Variants in GALNT2 observed in about 807,000 individuals in gnomAD.
GALNT2 encodes UDP-GalNAc:polypeptide N-acetylgalactosaminyltransferase 2.
Under a neutral mutation model 81.4 loss-of-function variants are expected in GALNT2, and 31 were observed. The observed-to-expected ratio is 0.38, with a 90% CI of 0.29 to 0.51. GALNT2 has a LOEUF of 0.51. Among genes scored for constraint, GALNT2 ranks in the 20% least tolerant of loss-of-function variants. The pLI, the probability that GALNT2 is intolerant of heterozygous loss-of-function variation, is 0.87. For synonymous variants in GALNT2, 303 were observed against 287.4 expected, an observed-to-expected ratio of 1.05 and a Z score of -0.55; for missense variants, 629 against 765.7, an observed-to-expected ratio of 0.82 and a Z score of 2.11.
intron 15 of GALNT2, among the ~76,000 whole-genome samples, chr1:230,277,238 T>C (rs1395744362): frequency 1.3e-5 from 2 of 152,202 alleles, no homozygotes; most frequent in Non-Finnish European, 2.9e-5. Context: ...AGAGTCTGAC[T>C]GCCTTGAAAA....
At chr1:230,262,804 C>A in intron 12 of GALNT2, 118 bp from the exon 13 acceptor site, 1 of 1,269,920 alleles carries the variant, frequency 7.9e-7, no homozygotes, top group Non-Finnish European at 1.1e-6. Context: ...GGAGCATGGG[C>A]AGTCCACACC....
In GALNT2 at chr1:230,191,068, T is replaced by TTCCA. The variant is rs545253927; in HGVS notation, c.221-12068_221-12065dup. 3.2e-3 allele frequency among the ~76,000 whole-genome samples: 494 copies of TTCCA among 152,308 alleles called. 2 individuals are homozygous for TTCCA. The highest frequency in any genetic ancestry group is 0.012 in the African/African-American group (480 of 41,560). On this transcript the variant is annotated intron_variant, in intron 2 of 15. Coordinates refer to ENST00000366672, the MANE Select transcript of GALNT2 (RefSeq NM_004481.5). The stretch of plus-strand genomic sequence containing the variant: ...AAAAATCTTCATTGTCCTTCTCCTG[T>TTCCA]TCCAACAAGCAAGAAAGTGGAGACC...
In GALNT2 at chr1:230,113,261, A is replaced by T. The variant is rs541282498; in HGVS notation, c.126+45855A>T. On this transcript the variant is annotated intron_variant, in intron 1 of 15. Coordinates refer to ENST00000366672, the MANE Select transcript of GALNT2 (RefSeq NM_004481.5). ...TGAAGGTCAGGCTTGGAGAGTGAGG[A>T]GCTGCTGAAAAAGGGTGAGTTTTGT... is the stretch of plus-strand genomic sequence containing the variant. Among the ~76,000 whole-genome samples, 92 of 152,040 alleles carry T rather than the reference A, an allele frequency of 6.1e-4. 1 individual carries two copies. The South Asian group carries it at 0.018, about 30-fold the overall frequency.
intron 1 of GALNT2, among the ~76,000 whole-genome samples, chr1:230,078,965 C>T (rs1364211527): frequency 6.6e-6 from 1 of 152,268 alleles, no homozygotes; most frequent in East Asian, 1.9e-4. Context: ...TGAGCCACTG[C>T]GTCCAGCCAG....
intron 2 of GALNT2, among the ~76,000 whole-genome samples, chr1:230,192,250 TTCCATCG>T (rs1572069298): frequency 6.6e-6 from 1 of 152,228 alleles, no homozygotes; most frequent in African/African-American, 2.4e-5. Context: ...TGAGTTGTGG[TTCCATCG>T]TCTTACAGCT....
chr1:230,163,409 C>T lies in GALNT2; in HGVS notation c.127-14809C>T, dbSNP rs78669247. ...CAGAGAGCATGGGATGAGGTCACTC[C>T]GGCGATCTCTCATGCTTTAGCGTTT... On this transcript the variant is annotated intron_variant, in intron 1 of 15. Transcript: ENST00000366672. 7.9e-5 allele frequency among the ~76,000 whole-genome samples: 12 copies of T among 152,312 alleles called. No homozygotes were observed. The East Asian group carries it at 2.1e-3, about 27-fold the overall frequency.
At chr1:230,265,667 C>T (rs1457866838) in intron 14 of GALNT2, among the ~76,000 whole-genome samples, 1 of 152,212 alleles carries the variant, frequency 6.6e-6, no homozygotes, top group African/African-American at 2.4e-5. Context: ...CAGCTCTGTC[C>T]TCTCGGCCAT....
rs1666391402 is a variant in GALNT2 at position 230,279,934 on chromosome 1, C to T, written c.*476C>T. On this transcript the variant is annotated 3_prime_UTR_variant, in exon 16 of 16. Coordinates refer to ENST00000366672, the MANE Select transcript of GALNT2 (RefSeq NM_004481.5). This position sits in a 1 kb window ranked among gnomAD's most constrained non-coding sequence, Gnocchi z 4.6. Reference sequence around the variant, plus strand: ...CACAAAGCCGAGTCGTGTCACGTGGCAGGTTTACGTCAATAGTCCCTCTCT... The same window carrying T: ...CACAAAGCCGAGTCGTGTCACGTGGTAGGTTTACGTCAATAGTCCCTCTCT... 1 of 456,512 alleles carries T rather than the reference C, an allele frequency of 2.2e-6. No homozygotes were observed. Among genetic ancestry groups the T allele is most frequent in the African/African-American group, 2.0e-5 (1 of 50,084 alleles). 28.3% of individuals were successfully genotyped at this position (456,512 alleles called of 1,614,324 possible).
intron 1 of GALNT2, among the ~76,000 whole-genome samples, chr1:230,139,636 T>C (rs1661665103): frequency 3.3e-5 from 5 of 152,166 alleles, no homozygotes; most frequent in Admixed American, 2.0e-4. Context: ...TGGCCACCAA[T>C]GGAAAGAGCA....
In GALNT2 at chr1:230,236,086, G is replaced by A. The variant is rs1331978314; in HGVS notation, c.447G>A (p.Arg149=). Residue 149 remains arginine, a synonymous_variant, in exon 4 of 16, where the codon AGG becomes AGA. Coordinates refer to ENST00000366672, the MANE Select transcript of GALNT2 (RefSeq NM_004481.5). ...TGATCACGTTTCACAATGAAGCCAG[G>A]TCGGCCCTACTCAGGACCGTGGTCA... ...SVVITFHNEA[R]SALLRTVVSV... is the part of the protein sequence containing the mutation. The A allele has an allele frequency of 2.5e-6, 4 of 1,613,958 alleles. No homozygotes were observed. The highest frequency in any genetic ancestry group is 3.3e-5 in the Admixed American group (2 of 60,004).
At chr1:230,122,588 G>A (rs1481450102) in intron 1 of GALNT2, among the ~76,000 whole-genome samples, 3 of 151,986 alleles carry the variant, frequency 2.0e-5, no homozygotes. Flanking sequence ...CAGTGGATCA[G>A]CGTGCAGGAA....
At chr1:230,201,847 G>A (rs1663903249) in intron 2 of GALNT2, among the ~76,000 whole-genome samples, 1 of 152,108 alleles carries the variant, frequency 6.6e-6, no homozygotes, top group African/African-American at 2.4e-5. Flanking sequence ...CCTTTGTTCA[G>A]TTATCTGCTC....
chr1:230,255,907 G>T lies in GALNT2; in HGVS notation c.1136+563G>T, dbSNP rs78155144. Among the ~76,000 whole-genome samples the T allele has an allele frequency of 5.0e-3, 756 of 152,302 alleles. 3 individuals carry two copies. Among genetic ancestry groups the T allele is most frequent in the Non-Finnish European group, 8.5e-3 (581 of 68,036 alleles). Reference sequence around the variant, plus strand: ...CGTCTCTAACCAAATACCACAGACTGGGTAATTTAAAATGAACAGAAATTT... The same window carrying T: ...CGTCTCTAACCAAATACCACAGACTTGGTAATTTAAAATGAACAGAAATTT... On this transcript the variant is annotated intron_variant, in intron 11 of 15. Coordinates refer to ENST00000366672, the MANE Select transcript of GALNT2 (RefSeq NM_004481.5).
chr1:230,188,606 A>G (rs1271728751), intron 2 of GALNT2, among the ~76,000 whole-genome samples: 1 of 152,128 alleles, frequency 6.6e-6, no homozygotes, highest in Non-Finnish European at 1.5e-5. Context: ...GGAATCACCA[A>G]TTTTATTTTC....
At chr1:230,150,977 G>A (rs768004057) in intron 1 of GALNT2, among the ~76,000 whole-genome samples, 1 of 152,232 alleles carries the variant, frequency 6.6e-6, no homozygotes, top group African/African-American at 2.4e-5. Context: ...TCCTCAGGAC[G>A]AGGCTGGTGC....
intron 3 of GALNT2, among the ~76,000 whole-genome samples, chr1:230,229,441 G>C (rs1236149076): frequency 6.6e-6 from 1 of 152,166 alleles, no homozygotes. Context: ...CCTAGGGATG[G>C]TGAGAATACA....
intron 1 of GALNT2, among the ~76,000 whole-genome samples, chr1:230,101,545 A>C (rs1660404685): frequency 1.3e-5 from 2 of 152,262 alleles, no homozygotes; most frequent in African/African-American, 4.8e-5. Flanking sequence ...CAGATAAACA[A>C]ATACCTTTTT....
chr1:230,275,222 CAT>C lies in GALNT2; in HGVS notation c.1560+663_1560+664del. Among the ~76,000 whole-genome samples, 1 of 151,082 alleles carries C rather than the reference CAT, an allele frequency of 6.6e-6. No homozygotes were observed. The highest frequency in any genetic ancestry group is 2.1e-4 in the South Asian group (1 of 4,804). ...CACATATATATACATATGCATGCCA[CAT>C]ATATGCATATGTAAACACCGCATAT... On this transcript the variant is annotated intron_variant, in intron 15 of 15. Transcript: ENST00000366672. This position sits in a 1 kb window ranked among gnomAD's most constrained non-coding sequence, Gnocchi z 5.5.
intron 1 of GALNT2, among the ~76,000 whole-genome samples, chr1:230,137,091 C>T (rs1661572411): frequency 6.6e-6 from 1 of 152,198 alleles, no homozygotes; most frequent in Admixed American, 6.5e-5. Context: ...ATACTCATTT[C>T]CCTGGGGAGT....
Sources: allele counts gnomAD v4.1 joint callset (sites outside exome capture counted in the v4.1 genomes callset), GRCh38; gene constraint gnomAD v4.1.1; non-coding constraint Gnocchi (gnomAD v3.1); transcripts MANE v1.5; gene names NCBI Gene and HGNC (gene_info 2026-07-23, HGNC 2026-07-21).